The following ANKRD13C variants were observed in gnomAD, a reference collection of about 807,000 sequenced individuals.
The protein encoded by ANKRD13C is ankyrin repeat domain-containing protein 13C.
In ANKRD13C, 16 loss-of-function variants were observed where a neutral mutation model predicts 65.5. The observed-to-expected ratio is 0.24, with a 90% CI of 0.17 to 0.37. The LOEUF (loss-of-function observed/expected upper bound fraction) is 0.37. Ranked by LOEUF, ANKRD13C falls within the 10% of genes least tolerant of loss-of-function variation. The pLI is 1.00. For missense variants in ANKRD13C, 503 were observed against 655.9 expected (o/e 0.77, Z 2.55); for synonymous variants, 235 against 238.7 (o/e 0.98, Z 0.14).
intron 2 of ANKRD13C, among the ~76,000 whole-genome samples, chr1:70,327,128 A>G (rs1344766210): frequency 6.6e-6 from 1 of 152,186 alleles, no homozygotes; most frequent in African/African-American, 2.4e-5. Flanking sequence ...AATATTTACT[A>G]ATAACAAACA....
chr1:70,354,611 TG>T lies in ANKRD13C; in HGVS notation c.-204del, dbSNP rs1187645084. On this transcript the variant is annotated 5_prime_UTR_variant, in exon 1 of 13. Coordinates refer to ENST00000370944, the MANE Select transcript of ANKRD13C (RefSeq NM_030816.5). The stretch of plus-strand genomic sequence containing the variant: ...TAGGCACGAAGGGACGCGCGCTCGC[TG>T]GGGGAAGCTAGAACTCAGGTGCCCA... 3 of 1,273,150 alleles carry T rather than the reference TG, an allele frequency of 2.4e-6. No homozygotes were observed. The highest frequency in any genetic ancestry group is 2.1e-6 in the Non-Finnish European group (2 of 953,348). The allele number at this position is 1,273,150 out of a possible 1,614,324, so 78.9% of individuals were successfully genotyped here. A position where few individuals can be genotyped will look rare whatever the true frequency, so the allele number is the denominator to read the frequency against.
chr1:70,346,367 C>G (rs1282368453), intron 1 of ANKRD13C, among the ~76,000 whole-genome samples: 1 of 151,894 alleles, frequency 6.6e-6, no homozygotes, highest in Non-Finnish European at 1.5e-5. Flanking sequence ...CAATGACTAC[C>G]AGCCCAGTTT....
At chr1:70,268,953 T>C (rs567410897) in intron 12 of ANKRD13C, among the ~76,000 whole-genome samples, 39 of 152,232 alleles carry the variant, frequency 2.6e-4, no homozygotes, top group South Asian at 1.7e-3. Flanking sequence ...GTTAGTTACA[T>C]ATGTATACAT....
At chr1:70,295,032 A>G (rs1217473508) in intron 8 of ANKRD13C, among the ~76,000 whole-genome samples, 1 of 151,130 alleles carries the variant, frequency 6.6e-6, no homozygotes, top group Non-Finnish European at 1.5e-5. Flanking sequence ...CTCCCCTTCT[A>G]TCTACTGGTT....
intron 9 of ANKRD13C, among the ~76,000 whole-genome samples, chr1:70,281,698 C>A (rs1203923214): frequency 6.6e-6 from 1 of 151,716 alleles, no homozygotes. Context: ...AGTCACCATG[C>A]CCGGGTTAAA....
chr1:70,340,390 G>A (rs891180940), intron 1 of ANKRD13C, among the ~76,000 whole-genome samples: 3 of 152,018 alleles, frequency 2.0e-5, no homozygotes, highest in Non-Finnish European at 4.4e-5. Flanking sequence ...TCTGCATTGC[G>A]ATCAGAGAAC....
chr1:70,330,574 C>CAAAAAAAAAAAAAAAAAAAAAAAAAA (rs71071394), intron 2 of ANKRD13C, among the ~76,000 whole-genome samples: 4 of 68,388 alleles, frequency 5.8e-5, no homozygotes, highest in South Asian at 6.2e-4. Flanking sequence ...ACAAACAAAC[C>CAAAAAAAAAAAAAAAAAAAAAAAAAA]AAAAAAAAAA....
In ANKRD13C at chr1:70,274,473, CAAAAAAAAAAAAA is replaced by C. The variant is rs769480539; in HGVS notation, c.1394+234_1394+246del. Among the ~76,000 whole-genome samples the C allele has an allele frequency of 4.4e-4, 17 of 38,668 alleles. 1 individual carries two copies. In the Admixed American group the frequency reaches 4.7e-3, roughly 11 times the overall value. 25.4% of individuals were successfully genotyped at this position (38,668 alleles called of 152,430 possible). A position where few individuals can be genotyped will look rare whatever the true frequency, so the allele number is the denominator to read the frequency against. ...TGGGTGACAGAGCAAGACTCCATCT[CAAAAAAAAAAAAA>C]AAAAAAAAAAGAAAGAAAGAAAATC... On this transcript the variant is annotated intron_variant, in intron 11 of 12. Coordinates refer to ENST00000370944, the MANE Select transcript of ANKRD13C (RefSeq NM_030816.5).
chr1:70,341,902 G>A (rs1682328002), intron 1 of ANKRD13C, among the ~76,000 whole-genome samples: 2 of 151,892 alleles, frequency 1.3e-5, no homozygotes, highest in African/African-American at 4.8e-5. Flanking sequence ...TTATGAGTCT[G>A]GTGCAATATT....
At chr1:70,327,847 C>T (rs1681608191) in intron 2 of ANKRD13C, among the ~76,000 whole-genome samples, 1 of 152,060 alleles carries the variant, frequency 6.6e-6, no homozygotes, top group African/African-American at 2.4e-5. Context: ...GGCGGATCAT[C>T]TGAGGTCAGG....
At chr1:70,264,173 T>C (rs539171327) in intron 12 of ANKRD13C, among the ~76,000 whole-genome samples, 1 of 152,204 alleles carries the variant, frequency 6.6e-6, no homozygotes, top group East Asian at 1.9e-4. Flanking sequence ...AAAAGAATAG[T>C]ATTTCATGAA....
chr1:70,344,222 G>A (rs1159392414), intron 1 of ANKRD13C, among the ~76,000 whole-genome samples: 7 of 151,078 alleles, frequency 4.6e-5, no homozygotes, highest in Non-Finnish European at 5.9e-5. Context: ...TGCTTAAACC[G>A]GGAGGTGGAG....
chr1:70,328,620 C>T (rs1681651908), intron 2 of ANKRD13C, among the ~76,000 whole-genome samples: 1 of 152,090 alleles, frequency 6.6e-6, no homozygotes, highest in Non-Finnish European at 1.5e-5. Context: ...CGAGACAGCG[C>T]CATTACACTC....
At position 70,297,286 on chromosome 1, in the gene ANKRD13C, G is replaced by GGTTTTTTTTT. The variant is rs1558281019; in HGVS notation, c.922-1026_922-1025insAAAAAAAAAC. ...TTTAACCTACATAGAGTCCCTTTCT[G>GGTTTTTTTTT]ATTTTTTTTTTTTTTTTTTTTTTTT... On this transcript the variant is annotated intron_variant, in intron 7 of 12. Transcript: ENST00000370944. Among the ~76,000 whole-genome samples the GGTTTTTTTTT allele has an allele frequency of 7.9e-3, 983 of 124,884 alleles. 52 individuals are homozygous for GGTTTTTTTTT. The highest frequency in any genetic ancestry group is 0.018 in the East Asian group (66 of 3,710). The allele number at this position is 124,884 out of a possible 152,430, so 81.9% of individuals were successfully genotyped here. A position where few individuals can be genotyped will look rare whatever the true frequency, so the allele number is the denominator to read the frequency against.
At chr1:70,276,186 T>C (rs1558264778) in intron 10 of ANKRD13C, among the ~76,000 whole-genome samples, 1 of 152,154 alleles carries the variant, frequency 6.6e-6, no homozygotes, top group Admixed American at 6.5e-5. Context: ...CCTTTCTTTA[T>C]TCATTCATCA....
intron 2 of ANKRD13C, among the ~76,000 whole-genome samples, chr1:70,332,525 G>A (rs1681858586): frequency 6.6e-6 from 1 of 152,108 alleles, no homozygotes; most frequent in Non-Finnish European, 1.5e-5. Flanking sequence ...GCAGTGCTGT[G>A]GTATGATCTC....
intron 6 of ANKRD13C, 31 bp downstream of exon 6, chr1:70,306,193 T>C (rs1482701384): frequency 8.8e-6 from 13 of 1,480,714 alleles, no homozygotes; most frequent in Non-Finnish European, 1.2e-5. Context: ...CTCAACTTTC[T>C]TTTACTGAGA....
chr1:70,340,673 T>C (rs1234710995), intron 1 of ANKRD13C, among the ~76,000 whole-genome samples: 3 of 152,218 alleles, frequency 2.0e-5, no homozygotes. Flanking sequence ...TGTGTCTTCT[T>C]GTAATTCTAG....
intron 6 of ANKRD13C, among the ~76,000 whole-genome samples, chr1:70,303,051 A>G (rs1680445877): frequency 6.6e-6 from 1 of 152,202 alleles, no homozygotes; most frequent in African/African-American, 2.4e-5. Context: ...ACAGACTGAC[A>G]TGGTGACCTT....
Sources: allele counts gnomAD v4.1 joint callset (sites outside exome capture counted in the v4.1 genomes callset), GRCh38; gene constraint gnomAD v4.1.1; transcripts MANE v1.5; gene names NCBI Gene and HGNC (gene_info 2026-07-23, HGNC 2026-07-21).